SYNE1: variants seen among roughly 807,000 people sequenced by gnomAD.
SYNE1 encodes spectrin repeat containing nuclear envelope protein 1.
SYNE1 carries 616 observed loss-of-function variants against 1,111.0 expected under a neutral mutation model. That is an observed-to-expected ratio of 0.55 (90% CI 0.52 to 0.59). The LOEUF (loss-of-function observed/expected upper bound fraction) is 0.59. SYNE1 is among the 20% of genes least tolerant of loss of function. SYNE1 has a pLI of 0.00. For synonymous variants in SYNE1, 3,855 were observed against 3,825.8 expected, an observed-to-expected ratio of 1.01 and a Z score of -0.28; for missense variants, 10,006 against 10,417.0, an observed-to-expected ratio of 0.96 and a Z score of 1.72.
chr6:152,148,438 G>A lies in SYNE1; in HGVS notation c.24643-60C>T. ...GTGGTCAGACTAGCTTCTTATCTGG[G>A]CCACCTGCCTACCATGTGGGGACAA... On this transcript the variant is annotated intron_variant, in intron 136 of 145. Coordinates refer to ENST00000367255, the MANE Select transcript of SYNE1 (RefSeq NM_182961.4). The surrounding 1 kb of genome is among the most constrained non-coding windows in gnomAD (Gnocchi z 4.1). 1 of 1,514,158 alleles carries A rather than the reference G, an allele frequency of 6.6e-7. No individual in the cohort carries two copies. Among genetic ancestry groups the A allele is most frequent in the Non-Finnish European group, 9.1e-7 (1 of 1,104,762 alleles). 93.8% of individuals were successfully genotyped at this position (1,514,158 alleles called of 1,614,324 possible).
chr6:152,394,539 G>A lies in SYNE1; in HGVS notation c.7712+977C>T, dbSNP rs79136503. Among the ~76,000 whole-genome samples the A allele has an allele frequency of 9.7e-4, 147 of 152,122 alleles. 1 individual carries two copies. Among genetic ancestry groups the A allele is most frequent in the Non-Finnish European group, 1.7e-3 (115 of 67,994 alleles). On this transcript the variant is annotated intron_variant, in intron 51 of 145. Transcript: ENST00000367255. ...CAAATTTGGGAGCAAAGCCCTCAAT[G>A]TAGGGTCAAAAGCACAGATCAGGGA...
chr6:152,444,616 T>A, intron 29 of SYNE1, 38 bp from the exon 30 acceptor site: 1 of 1,562,404 alleles, frequency 6.4e-7, no homozygotes, highest in South Asian at 1.2e-5. Flanking sequence ...GTAAATCATA[T>A]GCTACTTGTT....
chr6:152,304,675 T>C (rs1589669914), intron 91 of SYNE1, among the ~76,000 whole-genome samples: 5 of 152,306 alleles, frequency 3.3e-5, no homozygotes, highest in Admixed American at 3.3e-4. Flanking sequence ...CCTTCCACCC[T>C]TTGTAATCAC....
chr6:152,230,755 T>A, intron 114 of SYNE1, 53 bp from the exon 115 acceptor site: 1 of 1,565,836 alleles, frequency 6.4e-7, no homozygotes, highest in South Asian at 1.1e-5. Context: ...TAAAATCAAA[T>A]CATTAGCAGA....
intron 3 of SYNE1, among the ~76,000 whole-genome samples, chr6:152,581,339 G>A (rs996889727): frequency 1.3e-5 from 2 of 152,118 alleles, no homozygotes; most frequent in Non-Finnish European, 2.9e-5. Flanking sequence ...CAAATCAAAT[G>A]ACCTCCCAGT....
intron 138 of SYNE1, among the ~76,000 whole-genome samples, chr6:152,142,777 G>A (rs1245160964): frequency 3.9e-5 from 6 of 152,192 alleles, no homozygotes; most frequent in South Asian, 2.1e-4. Flanking sequence ...ATAATTGACC[G>A]CTCTTCTGTA....
chr6:152,441,692 T>C (rs1012217889), intron 31 of SYNE1, among the ~76,000 whole-genome samples: 2 of 152,158 alleles, frequency 1.3e-5, no homozygotes, highest in African/African-American at 4.8e-5. Flanking sequence ...TTAAAGGTAA[T>C]GTGTCAACAT....
At chr6:152,193,857 C>CA (rs767334225) in intron 127 of SYNE1, among the ~76,000 whole-genome samples, 6 of 151,524 alleles carry the variant, frequency 4.0e-5, no homozygotes, top group South Asian at 4.2e-4. Flanking sequence ...TAAAAAAATA[C>CA]AAAAAATTAG....
intron 91 of SYNE1, among the ~76,000 whole-genome samples, chr6:152,304,948 G>T (rs1425477702): frequency 6.6e-6 from 1 of 152,152 alleles, no homozygotes; most frequent in South Asian, 2.1e-4. Flanking sequence ...ACTTGCTTCT[G>T]TAAGTGTAAA....
intron 87 of SYNE1, among the ~76,000 whole-genome samples, chr6:152,311,618 C>T (rs906428726): frequency 3.9e-5 from 6 of 152,110 alleles, no homozygotes; most frequent in African/African-American, 1.4e-4. Flanking sequence ...CTTTTGGGAT[C>T]TGACAGATGA....
chr6:152,348,809 T>C (rs1250516681), intron 72 of SYNE1, among the ~76,000 whole-genome samples: 2 of 151,912 alleles, frequency 1.3e-5, no homozygotes, highest in African/African-American at 4.8e-5. Flanking sequence ...TAGGGTAGCC[T>C]GGGTAACCCA....
At chr6:152,260,569 A>T (rs893410977) in intron 101 of SYNE1, among the ~76,000 whole-genome samples, 1 of 152,116 alleles carries the variant, frequency 6.6e-6, no homozygotes, top group Non-Finnish European at 1.5e-5. Flanking sequence ...TCACAAAAGC[A>T]TGTGCTTTTA....
At position 152,122,032 on chromosome 6, in the gene SYNE1, C is replaced by T. The variant is rs2051504922; in HGVS notation, c.*404G>A. Reference sequence around the variant, plus strand: ...TGGTTGGTAGATTGTACGACACTGACATGGTGCTTGGGAGGGTCATTTATC... The same window carrying T: ...TGGTTGGTAGATTGTACGACACTGATATGGTGCTTGGGAGGGTCATTTATC... On this transcript the variant is annotated 3_prime_UTR_variant, in exon 146 of 146. Coordinates refer to ENST00000367255, the MANE Select transcript of SYNE1 (RefSeq NM_182961.4). The T allele has an allele frequency of 3.6e-6, 1 of 277,818 alleles. No individual in the cohort carries two copies. Among genetic ancestry groups the T allele is most frequent in the Non-Finnish European group, 7.0e-6 (1 of 143,090 alleles). 17.2% of individuals were successfully genotyped at this position (277,818 alleles called of 1,614,324 possible).
In SYNE1 at chr6:152,483,207, G is replaced by C. The variant is rs770374751; in HGVS notation, c.1228C>G (p.Pro410Ala). The change falls in exon 14 of 146, where the codon CCT becomes GCT. Residue 410 changes from proline to alanine, a missense_variant. Physicochemically the swap from Pro to Ala is conservative, Grantham distance 27. Around this residue, in one of 7 missense-constraint regions of SYNE1, gnomAD observed 1,971 missense variants for 2,084.1 expected, o/e 0.95. Coordinates refer to ENST00000367255, the MANE Select transcript of SYNE1 (RefSeq NM_182961.4). ...AGCCAGGCACCTATGGTGCCCAGAGGTGCAGGAAGAGATTTATCAAGCTGT... is the reference window on the plus strand; with the variant it reads ...AGCCAGGCACCTATGGTGCCCAGAGCTGCAGGAAGAGATTTATCAAGCTGT... ...HIQLDKSLPA[P>A]LGTIGAWLYR... 1.9e-6 allele frequency: 3 copies of C among 1,614,198 alleles called. No individual in the cohort carries two copies. Among genetic ancestry groups the C allele is most frequent in the Admixed American group, 3.3e-5 (2 of 60,028 alleles).
intron 25 of SYNE1, among the ~76,000 whole-genome samples, chr6:152,452,194 TCTATC>T (rs1481474669): frequency 6.6e-6 from 1 of 152,176 alleles, no homozygotes; most frequent in African/African-American, 2.4e-5. Context: ...TTAACTAACT[TCTATC>T]CTATGGCATT....
chr6:152,442,269 G>A (rs767314554), intron 30 of SYNE1, 24 bp from the exon 31 acceptor site: 1 of 1,611,044 alleles, frequency 6.2e-7, no homozygotes, highest in South Asian at 1.1e-5. Flanking sequence ...TTCAACAGAT[G>A]GATATAAATT....
At chr6:152,145,229 G>C (rs973915478) in intron 137 of SYNE1, 2 of 510,308 alleles carry the variant, frequency 3.9e-6, no homozygotes, top group East Asian at 3.6e-5. Flanking sequence ...TGCAGTTAAT[G>C]GACATGAGAG....
In SYNE1 at chr6:152,140,033, T is replaced by G. The variant is rs754937504; in HGVS notation, c.25375A>C (p.Thr8459Pro). The G allele has an allele frequency of 1.2e-6, 2 of 1,614,184 alleles. No individual in the cohort carries two copies. Among genetic ancestry groups the G allele is most frequent in the Admixed American group, 3.3e-5 (2 of 60,022 alleles). Residue 8459 changes from threonine to proline, a missense_variant, in exon 140 of 146, where the codon ACG (threonine) becomes CCG (proline). Around this residue, in one of 7 missense-constraint regions of SYNE1, gnomAD observed 761 missense variants for 795.5 expected, o/e 0.96. Coordinates refer to ENST00000367255, the MANE Select transcript of SYNE1 (RefSeq NM_182961.4). Reference sequence around the variant, plus strand: ...TGGAGCTGTTCCAACTCCTCCTCCGTGTCCCCCAGCCAGGCCCAGATGCTG... The same window carrying G: ...TGGAGCTGTTCCAACTCCTCCTCCGGGTCCCCCAGCCAGGCCCAGATGCTG... ...LNSIWAWLGD[T>P]EEELEQLQRL...
In SYNE1 at chr6:152,209,756, GAA is replaced by G. The variant is rs112146398; in HGVS notation, c.22590-1552_22590-1551del. On this transcript the variant is annotated intron_variant, in intron 124 of 145. Coordinates refer to ENST00000367255, the MANE Select transcript of SYNE1 (RefSeq NM_182961.4). ...AAGAGCAAGACGCTGTCTCAAAAAA[GAA>G]AAAAAAAAAAAATCCATGTGATAGC... Among the ~76,000 whole-genome samples the G allele has an allele frequency of 2.4e-4, 31 of 130,380 alleles. No homozygotes were observed. The East Asian group carries it at 4.6e-3, about 19-fold the overall frequency. 85.5% of individuals were successfully genotyped at this position (130,380 alleles called of 152,430 possible).
Sources: gnomAD v4.1 joint callset for allele counts (sites outside exome capture counted in the v4.1 genomes callset) on GRCh38, gnomAD v4.1.1 for gene constraint, gnomAD v4.1.1 regional missense constraint, Gnocchi (gnomAD v3.1) non-coding constraint, MANE v1.5 for transcripts, NCBI Gene and HGNC (gene_info 2026-07-23, HGNC 2026-07-21) for gene names.